STK31: variants seen among roughly 807,000 people sequenced by gnomAD.
STK31 encodes serine/threonine kinase 31, also known as serine/threonine-protein kinase 31.
A neutral mutation model predicts 129.7 loss-of-function variants in STK31; 89 were observed. That is an observed-to-expected ratio of 0.69 (90% CI 0.58 to 0.82). STK31 has a LOEUF of 0.82. Among genes scored for constraint, STK31 ranks in the 40% least tolerant of loss-of-function variants. STK31 has a pLI of 0.00. For synonymous variants in STK31, 448 were observed against 395.3 expected (o/e 1.13, Z -1.58); for missense variants, 1,187 against 1,176.4 (o/e 1.01, Z -0.13).
chr7:23,741,540 T>G (rs2128084939), intron 8 of STK31, among the ~76,000 whole-genome samples: 1 of 152,300 alleles, frequency 6.6e-6, no homozygotes, highest in East Asian at 1.9e-4. Flanking sequence ...ATATTTCACC[T>G]AGTATCAAGC....
chr7:23,769,320 A>G (rs1411021268), intron 12 of STK31, 146 bp downstream of exon 12: 1 of 730,196 alleles, frequency 1.4e-6, no homozygotes, highest in Non-Finnish European at 2.0e-6. Context: ...AAGGTTCTTT[A>G]TTAGCTTTTA....
chr7:23,805,315 G>T (rs1490231800), intron 22 of STK31, among the ~76,000 whole-genome samples: 1 of 152,048 alleles, frequency 6.6e-6, no homozygotes, highest in Non-Finnish European at 1.5e-5. Context: ...AGCACAGGCA[G>T]TCCACCTGCC....
At position 23,780,619 on chromosome 7, in the gene STK31, T is replaced by A. The variant is rs62470065; in HGVS notation, c.1966-800T>A. ...TAGTCACTAGCTCAGTGAATCTGCA[T>A]TTTTACATCAGAGGAAGGAATCAGA... is the stretch of plus-strand genomic sequence containing the variant. On this transcript the variant is annotated intron_variant, in intron 15 of 23. Transcript: ENST00000355870. Among the ~76,000 whole-genome samples, 1,412 of 152,330 alleles carry A rather than the reference T, an allele frequency of 9.3e-3. 17 individuals carry two copies. Among genetic ancestry groups the A allele is most frequent in the Admixed American group, 0.014 (207 of 15,308 alleles).
intron 23 of STK31, among the ~76,000 whole-genome samples, chr7:23,825,655 T>G (rs1343759981): frequency 6.6e-6 from 1 of 152,218 alleles, no homozygotes; most frequent in Non-Finnish European, 1.5e-5. Flanking sequence ...TGAAGGTGTT[T>G]GCTCTTGCTC....
chr7:23,791,836 T>C (rs1022460329), intron 22 of STK31, among the ~76,000 whole-genome samples: 1 of 152,154 alleles, frequency 6.6e-6, no homozygotes, highest in Admixed American at 6.5e-5. Flanking sequence ...CCAGCAAGCA[T>C]TTTCTGTAAA....
intron 22 of STK31, chr7:23,811,493 C>A: frequency 3.5e-6 from 1 of 282,428 alleles, no homozygotes; most frequent in South Asian, 4.8e-5. Context: ...ACCCTTGGGT[C>A]CTTCAGTAGA....
intron 4 of STK31, chr7:23,726,003 G>A (rs1562550922): frequency 1.3e-5 from 2 of 152,140 alleles, no homozygotes; most frequent in South Asian, 2.1e-4. Flanking sequence ...GTTCTCTTAG[G>A]AACTATGAGT....
At position 23,782,471 on chromosome 7, in the gene STK31, CAAAAAAAAAAAA is replaced by C. The variant is rs66962254; in HGVS notation, c.2067+961_2067+972del. On this transcript the variant is annotated intron_variant, in intron 16 of 23. Coordinates refer to ENST00000355870, the MANE Select transcript of STK31 (RefSeq NM_031414.5). ...TGGGCAACAGAGCAAGACCCTGTCT[CAAAAAAAAAAAA>C]AAAAAAAAAGAAAAGAAAAGAAAGT... Among the ~76,000 whole-genome samples, 27 of 84,534 alleles carry C rather than the reference CAAAAAAAAAAAA, an allele frequency of 3.2e-4. No homozygotes were observed. The East Asian group carries it at 6.3e-3, about 20-fold the overall frequency. 55.5% of individuals were successfully genotyped at this position (84,534 alleles called of 152,430 possible).
At chr7:23,810,267 C>T (rs973407534) in intron 22 of STK31, among the ~76,000 whole-genome samples, 3 of 151,912 alleles carry the variant, frequency 2.0e-5, no homozygotes, top group East Asian at 3.9e-4. Flanking sequence ...CATCCGTTTA[C>T]TCCAAAGGTA....
intron 9 of STK31, 90 bp from the exon 10 acceptor site, chr7:23,754,225 C>G: frequency 7.2e-7 from 1 of 1,389,244 alleles, no homozygotes; most frequent in Non-Finnish European, 9.8e-7. Context: ...TAAACACTAA[C>G]TTTTAGACCA....
rs565393017 is a variant in STK31, at chr7:23,778,123, G to T, written c.1966-3296G>T. On this transcript the variant is annotated intron_variant, in intron 15 of 23. Transcript: ENST00000355870. ...TTAGTTTGGCTGGATATGAAATTCT[G>T]GTCTGAAAATTCTTTTCTTTAAGAA... is the stretch of plus-strand genomic sequence containing the variant. Among the ~76,000 whole-genome samples, 5 of 152,216 alleles carry T rather than the reference G, an allele frequency of 3.3e-5. No homozygotes were observed. The South Asian group carries it at 1.0e-3, about 32-fold the overall frequency.
intron 22 of STK31, among the ~76,000 whole-genome samples, chr7:23,809,932 G>A (rs1375109701): frequency 1.3e-5 from 2 of 152,118 alleles, no homozygotes; most frequent in African/African-American, 4.8e-5. Flanking sequence ...GCCTCATGAT[G>A]CATTTCTGAG....
intron 10 of STK31, among the ~76,000 whole-genome samples, chr7:23,757,898 T>G (rs1206975058): frequency 2.6e-5 from 4 of 152,306 alleles, no homozygotes; most frequent in Middle Eastern, 3.4e-3. Context: ...GTGTTTTGTG[T>G]CCGTGGGTAC....
At chr7:23,798,026 T>TA (rs1792087286) in intron 22 of STK31, among the ~76,000 whole-genome samples, 1 of 152,088 alleles carries the variant, frequency 6.6e-6, no homozygotes. Context: ...CCTGGACACA[T>TA]ACACCCTCCC....
At chr7:23,728,067 T>C in intron 5 of STK31, among the ~76,000 whole-genome samples, 1 of 148,998 alleles carries the variant, frequency 6.7e-6, no homozygotes, top group Non-Finnish European at 1.5e-5. Flanking sequence ...TTTCTTTGTG[T>C]TAAGCTTTTT....
chr7:23,800,500 C>T (rs1048472164), intron 22 of STK31, among the ~76,000 whole-genome samples: 12 of 151,972 alleles, frequency 7.9e-5, no homozygotes, highest in Non-Finnish European at 1.5e-4. Context: ...CCAAATACCT[C>T]ATGTTCTCAC....
Position 23,754,492 on chromosome 7 carries a change from C to G in STK31, c.1293+18C>G. 1 of 1,600,204 alleles carries G rather than the reference C, an allele frequency of 6.2e-7. No homozygotes were observed. Among genetic ancestry groups the G allele is most frequent in the Non-Finnish European group, 8.5e-7 (1 of 1,175,652 alleles). ...AATATGTGGTGAGTTGGGAATTTTTCTCTATTGTGGTTTTTATCTGTTGAA... is the reference window on the plus strand; with the variant it reads ...AATATGTGGTGAGTTGGGAATTTTTGTCTATTGTGGTTTTTATCTGTTGAA... On this transcript the variant is annotated intron_variant, in intron 10 of 23. Transcript: ENST00000355870.
At chr7:23,812,469 ATCT>A (rs1378287947) in intron 22 of STK31, among the ~76,000 whole-genome samples, 5 of 132,254 alleles carry the variant, frequency 3.8e-5, no homozygotes, top group Non-Finnish European at 8.1e-5. Flanking sequence ...ATCTTCTTTA[ATCT>A]TCTTCAAAAT....
chr7:23,783,063 C>T (rs1296508971), intron 16 of STK31, among the ~76,000 whole-genome samples: 8 of 151,902 alleles, frequency 5.3e-5, no homozygotes, highest in Admixed American at 5.2e-4. Context: ...TGAATCACAG[C>T]ATATTCGGAG....
Sources: gnomAD v4.1 joint callset for allele counts (sites outside exome capture counted in the v4.1 genomes callset) on GRCh38, gnomAD v4.1.1 for gene constraint, MANE v1.5 for transcripts, NCBI Gene and HGNC (gene_info 2026-07-23, HGNC 2026-07-21) for gene names.